BRDT: variants seen among roughly 807,000 people sequenced by gnomAD.
BRDT encodes bromodomain testis associated, also known as bromodomain testis-specific protein.
BRDT carries 77 observed loss-of-function variants against 113.9 expected under a neutral mutation model. The observed-to-expected ratio is 0.68, with a 90% CI of 0.56 to 0.82. The LOEUF is 0.82. Ranked by LOEUF, BRDT falls within the 40% of genes least tolerant of loss-of-function variation. The pLI, the probability that BRDT is intolerant of heterozygous loss-of-function variation, is 0.00. For missense variants in BRDT, 1,027 were observed against 1,105.4 expected (o/e 0.93, Z 1.01); for synonymous variants, 358 against 366.5 (o/e 0.98, Z 0.26).
intron 7 of BRDT, 86 bp from the exon 8 acceptor site, chr1:91,979,483 C>A: frequency 1.5e-6 from 2 of 1,306,622 alleles, no homozygotes; most frequent in Non-Finnish European, 1.1e-6. Context: ...AAATATGACA[C>A]TGAAATGTAC....
At position 91,977,357 on chromosome 1, in the gene BRDT, C is replaced by T. The variant is rs781252532; in HGVS notation, c.933C>T (p.Asp311=). ...VNALGLHNYY[D]VVKNPMDLGT... is the part of the protein sequence containing the mutation. ...CTTTGGGACTCCATAACTACTATGA[C>T]GTTGTCAAAAATCCGATGGATCTTG... Residue 311 remains aspartate, a synonymous_variant, in exon 6 of 19, where the codon GAC becomes GAT. Coordinates refer to ENST00000399546, the MANE Select transcript of BRDT (RefSeq NM_207189.4). 99 of 1,596,436 alleles carry T rather than the reference C, an allele frequency of 6.2e-5. No homozygotes were observed. The highest frequency in any genetic ancestry group is 1.0e-4 in the South Asian group (9 of 87,136).
chr1:91,976,135 T>TCGGTGG, intron 4 of BRDT, 131 bp from the exon 5 acceptor site: 1 of 852,052 alleles, frequency 1.2e-6, no homozygotes, highest in Non-Finnish European at 1.6e-6. Context: ...GTGTGTAGAT[T>TCGGTGG]TCAAAATGAA....
chr1:92,007,457 CA>C (rs917065226), intron 18 of BRDT, among the ~76,000 whole-genome samples: 6 of 152,156 alleles, frequency 3.9e-5, no homozygotes, highest in African/African-American at 1.4e-4. Context: ...TCATATCATT[CA>C]GCTCCCACTT....
intron 17 of BRDT, 75 bp downstream of exon 17, chr1:92,004,694 G>C (rs1687147269): frequency 7.7e-7 from 1 of 1,293,194 alleles, no homozygotes; most frequent in African/African-American, 1.5e-5. Flanking sequence ...TTTCTTATTT[G>C]TTAAGTGACT....
chr1:91,977,604 C>T (rs1263093902), intron 6 of BRDT: 2 of 363,350 alleles, frequency 5.5e-6, no homozygotes, highest in African/African-American at 2.1e-5. Flanking sequence ...GGCACAGTGG[C>T]TCATGCCTGT....
intron 18 of BRDT, among the ~76,000 whole-genome samples, chr1:92,010,267 ATT>A (rs373305680): frequency 0.051 from 5,103 of 100,858 alleles, 78 homozygotes; most frequent in African/African-American, 0.095. Context: ...TGCTCTTTTA[ATT>A]TTTTTTTTTT....
At chr1:91,999,232 C>T (rs973677953) in intron 15 of BRDT, among the ~76,000 whole-genome samples, 8 of 152,066 alleles carry the variant, frequency 5.3e-5, no homozygotes, top group Admixed American at 5.2e-4. Context: ...GGGTTAATAA[C>T]CCAGGGATAT....
At position 92,005,172 on chromosome 1, in the gene BRDT, A is replaced by T; in HGVS notation, c.2648A>T (p.Lys883Met). 1 of 1,553,530 alleles carries T rather than the reference A, an allele frequency of 6.4e-7. No homozygotes were observed. Among genetic ancestry groups the T allele is most frequent in the Non-Finnish European group, 8.6e-7 (1 of 1,156,246 alleles). The change falls in exon 18 of 19, where the codon AAG becomes ATG. Residue 883 changes from lysine (K) to methionine (M), a missense_variant. Physicochemically the swap from Lys to Met is moderately conservative, Grantham distance 95 (BLOSUM62 -1). Coordinates refer to ENST00000399546, the MANE Select transcript of BRDT (RefSeq NM_207189.4). ...VESFSNKIQN[K>M]CSGEEQKEHQ... The stretch of plus-strand genomic sequence containing the variant: ...TCTTTTTCAAATAAAATACAAAACA[A>T]GTGCTCTGGAGAAGAGCAGAAAGAA...
chr1:91,994,642 G>A (rs961230377), intron 15 of BRDT, among the ~76,000 whole-genome samples: 52 of 151,878 alleles, frequency 3.4e-4, no homozygotes, highest in Admixed American at 2.9e-3. Context: ...CGAGGCGGGC[G>A]GATCACGAGG....
chr1:91,977,238 C>T lies in BRDT; in HGVS notation c.814C>T (p.Gln272Ter). The T allele has an allele frequency of 6.2e-7, 1 of 1,613,940 alleles. No individual in the cohort carries two copies. The change falls in exon 6 of 19, where the codon CAA becomes TAA. Residue 272 changes from glutamine to a stop codon, truncating the protein, a stop_gained. Coordinates refer to ENST00000399546, the MANE Select transcript of BRDT (RefSeq NM_207189.4). LOFTEE classifies it high-confidence loss of function. Reference protein sequence around the residue: ...NVVKTVKVTEQLRHCSEILKE... With the variant: ...NVVKTVKVTE ...TGTGAAGACTGTTAAAGTAACTGAA[C>T]AATTAAGGCACTGTAGTGAGATTCT...
intron 3 of BRDT, 114 bp downstream of exon 3, chr1:91,964,878 CGT>C (rs59328937): frequency 0.37 from 127,375 of 340,018 alleles, 27,205 homozygotes; most frequent in Admixed American, 0.5. Flanking sequence ...AGATACTTGA[CGT>C]GTGTGTGTGT....
At chr1:92,013,593 CTT>C (rs1193200235) in intron 18 of BRDT, among the ~76,000 whole-genome samples, 1 of 152,118 alleles carries the variant, frequency 6.6e-6, no homozygotes, top group Admixed American at 6.6e-5. Context: ...CATTTGTTTC[CTT>C]TGTCTTAATT....
intron 1 of BRDT, among the ~76,000 whole-genome samples, chr1:91,954,995 T>C (rs1168005504): frequency 1.3e-5 from 2 of 152,052 alleles, no homozygotes; most frequent in Non-Finnish European, 2.9e-5. Flanking sequence ...TTCACTTAGA[T>C]GGGTTAGACT....
At position 91,976,445 on chromosome 1, in the gene BRDT, T is replaced by G. The variant is rs528831968; in HGVS notation, c.618+7T>G. ...TTCACAAACTGCGGCCCAAGTAAGT[T>G]TGTTGTAGTTTTTAAATCATTGCTT... is the stretch of plus-strand genomic sequence containing the variant. On this transcript the variant is annotated splice_region_variant and intron_variant, in intron 5 of 18. Transcript: ENST00000399546. 23 of 1,528,536 alleles carry G rather than the reference T, an allele frequency of 1.5e-5. No individual in the cohort carries two copies. In the South Asian group the frequency reaches 2.7e-4, roughly 18 times the overall value. The allele number at this position is 1,528,536 out of a possible 1,614,324, so 94.7% of individuals were successfully genotyped here. A position where few individuals can be genotyped will look rare whatever the true frequency, so the allele number is the denominator to read the frequency against.
At chr1:91,970,308 G>A (rs1033083818) in intron 4 of BRDT, among the ~76,000 whole-genome samples, 2 of 152,148 alleles carry the variant, frequency 1.3e-5, no homozygotes, top group African/African-American at 4.8e-5. Context: ...CTGTCACCCT[G>A]GCTGGAGTGC....
chr1:92,003,900 A>T (rs1687065149), intron 16 of BRDT, among the ~76,000 whole-genome samples: 1 of 152,158 alleles, frequency 6.6e-6, no homozygotes. Context: ...ACTAACCTCA[A>T]CCATGGTGTA....
At chr1:91,972,225 T>G (rs1683702159) in intron 4 of BRDT, among the ~76,000 whole-genome samples, 1 of 152,180 alleles carries the variant, frequency 6.6e-6, no homozygotes, top group Non-Finnish European at 1.5e-5. Flanking sequence ...ATGCTTTTAT[T>G]TCTTCATGCA....
At chr1:91,950,684 CTTTTTTTTTT>C (rs67133307) in intron 1 of BRDT, 2 of 80,418 alleles carry the variant, frequency 2.5e-5, no homozygotes, top group African/African-American at 9.7e-5. Flanking sequence ...TGGATAATTG[CTTTTTTTTTT>C]TTTTTTTTTT....
At chr1:91,980,135 C>T (rs372016348) in intron 8 of BRDT, among the ~76,000 whole-genome samples, 54 of 152,182 alleles carry the variant, frequency 3.5e-4, no homozygotes, top group East Asian at 1.7e-3. Flanking sequence ...AACCAGGCAC[C>T]GTGGCTCACG....
Sources: allele counts gnomAD v4.1 joint callset (sites outside exome capture counted in the v4.1 genomes callset), GRCh38; gene constraint gnomAD v4.1.1; transcripts MANE v1.5; gene names NCBI Gene and HGNC (gene_info 2026-07-23, HGNC 2026-07-21).